CTNNA2: variants seen among roughly 807,000 people sequenced by gnomAD.
CTNNA2 encodes the protein catenin alpha 2.
Under a neutral mutation model 101.0 loss-of-function variants are expected in CTNNA2, and 42 were observed. The observed-to-expected ratio is 0.42, with a 90% CI of 0.32 to 0.54. The LOEUF (loss-of-function observed/expected upper bound fraction) is 0.54, where lower values mean the gene tolerates loss of function less well. Among genes scored for constraint, CTNNA2 ranks in the 20% least tolerant of loss-of-function variants. CTNNA2 has a pLI of 0.14. For missense variants in CTNNA2, 871 were observed against 1,223.1 expected (o/e 0.71, Z 4.29); for synonymous variants, 450 against 456.4 (o/e 0.99, Z 0.18).
intron 3 of CTNNA2, among the ~76,000 whole-genome samples, chr2:79,345,112 A>ATTT (rs1413041310): frequency 2.7e-5 from 4 of 148,094 alleles, no homozygotes; most frequent in African/African-American, 9.8e-5. Context: ...TTTTTTTAAA[A>ATTT]AAAAAAGCAA....
At chr2:79,723,772 C>T (rs1000728520) in intron 2 of CTNNA2, among the ~76,000 whole-genome samples, 2 of 152,032 alleles carry the variant, frequency 1.3e-5, no homozygotes, top group African/African-American at 4.8e-5. Context: ...TCTAATGGTT[C>T]GATTTTTAGA....
At chr2:79,464,943 C>G (rs1313880206) in intron 4 of CTNNA2, among the ~76,000 whole-genome samples, 1 of 152,140 alleles carries the variant, frequency 6.6e-6, no homozygotes, top group Non-Finnish European at 1.5e-5. Context: ...TGCCTGTTCA[C>G]TCTGATGGCA....
At chr2:80,025,565 C>T (rs149601378) in intron 7 of CTNNA2, among the ~76,000 whole-genome samples, 72 of 152,254 alleles carry the variant, frequency 4.7e-4, no homozygotes, top group Non-Finnish European at 8.2e-4. Context: ...AAGTTGTTTC[C>T]TACTGTATGG....
At chr2:79,269,843 T>C (rs1210457226) in intron 2 of CTNNA2, among the ~76,000 whole-genome samples, 2 of 152,120 alleles carry the variant, frequency 1.3e-5, no homozygotes, top group South Asian at 2.1e-4. Context: ...GGATCTAGCA[T>C]GTTCACTAAC....
At chr2:80,142,384 G>T (rs113086428) in intron 7 of CTNNA2, among the ~76,000 whole-genome samples, 25 of 152,226 alleles carry the variant, frequency 1.6e-4, no homozygotes, top group African/African-American at 5.1e-4. Flanking sequence ...TGGCTTTGCC[G>T]CACTGAGTGA....
chr2:79,982,022 T>C (rs1691310995), intron 7 of CTNNA2, among the ~76,000 whole-genome samples: 2 of 147,392 alleles, frequency 1.4e-5, no homozygotes, highest in Admixed American at 1.4e-4. Context: ...TCTTGGTTCA[T>C]GGTAGTGTTT....
At chr2:79,936,131 T>A (rs1393076240) in intron 7 of CTNNA2, among the ~76,000 whole-genome samples, 1 of 152,216 alleles carries the variant, frequency 6.6e-6, no homozygotes, top group Admixed American at 6.5e-5. Context: ...TTTAGTGTAT[T>A]CTAAATGTGA....
At chr2:79,864,246 C>A (rs1681855718) in intron 4 of CTNNA2, among the ~76,000 whole-genome samples, 1 of 152,126 alleles carries the variant, frequency 6.6e-6, no homozygotes, top group African/African-American at 2.4e-5. Context: ...TCAGGTCAGG[C>A]AACAGATTTT....
At chr2:80,512,109 C>T (rs1688748944) in intron 9 of CTNNA2, among the ~76,000 whole-genome samples, 1 of 142,726 alleles carries the variant, frequency 7.0e-6, no homozygotes, top group African/African-American at 2.6e-5. Flanking sequence ...GAGATCACAC[C>T]ACTGCACTCC....
intron 9 of CTNNA2, among the ~76,000 whole-genome samples, chr2:80,470,179 A>C (rs1434077): frequency 6.6e-6 from 1 of 152,000 alleles, no homozygotes; most frequent in Admixed American, 6.6e-5. Flanking sequence ...TAATTCTGGG[A>C]CCTTCTTAGA....
At chr2:80,271,500 C>G (rs1673478090) in intron 7 of CTNNA2, among the ~76,000 whole-genome samples, 1 of 151,634 alleles carries the variant, frequency 6.6e-6, no homozygotes, top group Admixed American at 6.6e-5. Context: ...CGGCTCACTG[C>G]AAGCTCCACC....
At chr2:79,409,855 G>T (rs1678387821) in intron 4 of CTNNA2, among the ~76,000 whole-genome samples, 2 of 151,700 alleles carry the variant, frequency 1.3e-5, no homozygotes, top group Non-Finnish European at 2.9e-5. Flanking sequence ...TTGGTAGCTT[G>T]ATGGGGATGG....
At chr2:79,660,252 TAC>T in intron 2 of CTNNA2, among the ~76,000 whole-genome samples, 1 of 136,084 alleles carries the variant, frequency 7.3e-6, no homozygotes, top group South Asian at 2.2e-4. Flanking sequence ...TATGTGTATA[TAC>T]ATATGTATGT....
At chr2:79,970,548 G>T (rs1690404531) in intron 7 of CTNNA2, among the ~76,000 whole-genome samples, 1 of 152,158 alleles carries the variant, frequency 6.6e-6, no homozygotes, top group Non-Finnish European at 1.5e-5. Context: ...TGCATGTTTT[G>T]CTCCGTATGG....
intron 9 of CTNNA2, among the ~76,000 whole-genome samples, chr2:80,482,842 G>A (rs943953721): frequency 4.6e-5 from 7 of 152,106 alleles, no homozygotes; most frequent in Non-Finnish European, 8.8e-5. Flanking sequence ...CAATAGTTGT[G>A]CCCGCTTCAG....
At chr2:80,051,799 G>A (rs1377563075) in intron 7 of CTNNA2, among the ~76,000 whole-genome samples, 1 of 152,168 alleles carries the variant, frequency 6.6e-6, no homozygotes, top group Non-Finnish European at 1.5e-5. Flanking sequence ...CCAGGCCTGG[G>A]TGTGCTGCTC....
intron 1 of CTNNA2, among the ~76,000 whole-genome samples, chr2:79,601,389 T>C (rs748321524): frequency 1.3e-5 from 2 of 152,186 alleles, no homozygotes; most frequent in Admixed American, 6.5e-5. Flanking sequence ...AGCTACAGTA[T>C]GTACATACCC....
chr2:79,494,192 A>G (rs1451492739), intron 4 of CTNNA2, among the ~76,000 whole-genome samples: 1 of 152,208 alleles, frequency 6.6e-6, no homozygotes, highest in Admixed American at 6.5e-5. Context: ...ACAAATGTTA[A>G]GATATCTCAT....
chr2:79,378,289 G>A (rs1344178122), intron 4 of CTNNA2, among the ~76,000 whole-genome samples: 1 of 152,146 alleles, frequency 6.6e-6, no homozygotes, highest in African/African-American at 2.4e-5. Flanking sequence ...GGAGAGAAAA[G>A]ATCAAATGTA....
Sources: gnomAD v4.1 joint callset for allele counts (sites outside exome capture counted in the v4.1 genomes callset) on GRCh38, gnomAD v4.1.1 for gene constraint, MANE v1.5 for transcripts, NCBI Gene and HGNC (gene_info 2026-07-23, HGNC 2026-07-21) for gene names.